NR3C1: variants seen among roughly 807,000 people sequenced by gnomAD.
The protein encoded by NR3C1 is glucocorticoid receptor.
NR3C1 carries 14 observed loss-of-function variants against 74.0 expected under a neutral mutation model. The ratio of observed to expected loss-of-function variants is 0.19; its 90% CI spans 0.12 to 0.30. The LOEUF (loss-of-function observed/expected upper bound fraction) is 0.30. Ranked by LOEUF, NR3C1 falls within the 10% of genes least tolerant of loss-of-function variation. The probability of loss-of-function intolerance (pLI) is 1.00; values close to 1 mark genes in which losing one functional copy is unlikely to be tolerated. For synonymous variants in NR3C1, 308 were observed against 332.5 expected (o/e 0.93, Z 0.80); for missense variants, 695 against 909.8 (o/e 0.76, Z 3.04).
chr5:143,359,094 A>G (rs796389383), intron 2 of NR3C1, among the ~76,000 whole-genome samples: 7 of 152,318 alleles, frequency 4.6e-5, no homozygotes, highest in African/African-American at 1.4e-4. Flanking sequence ...AACAATAGTT[A>G]TGTCAGGGTT....
At chr5:143,389,940 T>C in intron 2 of NR3C1, 2 of 979,554 alleles carry the variant, frequency 2.0e-6, no homozygotes, top group Non-Finnish European at 2.4e-6. Context: ...AAATCATCTT[T>C]TGGGGAGAAA....
At chr5:143,433,430 A>G (rs1281976395) in intron 1 of NR3C1, among the ~76,000 whole-genome samples, 1 of 140,304 alleles carries the variant, frequency 7.1e-6, no homozygotes, top group Non-Finnish European at 1.5e-5. Flanking sequence ...AATTATATAT[A>G]TATATAATTT....
intron 2 of NR3C1, among the ~76,000 whole-genome samples, chr5:143,359,607 G>A (rs1831856104): frequency 6.6e-6 from 1 of 152,086 alleles, no homozygotes; most frequent in Non-Finnish European, 1.5e-5. Flanking sequence ...TTCTGTCTTC[G>A]ATTTGGATTT....
upstream of NR3C1, chr5:143,404,093 G>C: frequency 1.0e-6 from 1 of 985,418 alleles, no homozygotes; most frequent in Non-Finnish European, 1.2e-6. Flanking sequence ...ACCCACTCGG[G>C]AGCTCGCTCT....
intron 2 of NR3C1, among the ~76,000 whole-genome samples, chr5:143,321,205 A>G (rs1171854531): frequency 1.3e-5 from 2 of 152,198 alleles, no homozygotes; most frequent in East Asian, 3.8e-4. Context: ...CCAACAAGGT[A>G]TCTCGAGCAT....
At chr5:143,332,430 T>A (rs1369069566) in intron 2 of NR3C1, among the ~76,000 whole-genome samples, 1 of 150,814 alleles carries the variant, frequency 6.6e-6, no homozygotes, top group East Asian at 1.9e-4. Context: ...CGGGACAGCA[T>A]TAGGAAAAAT....
At chr5:143,329,001 T>A (rs1332262874) in intron 2 of NR3C1, among the ~76,000 whole-genome samples, 2 of 152,216 alleles carry the variant, frequency 1.3e-5, no homozygotes, top group Non-Finnish European at 1.5e-5. Context: ...CACTTCCGCA[T>A]TTTCAGATTA....
At chr5:143,352,453 A>G (rs1389170897) in intron 2 of NR3C1, among the ~76,000 whole-genome samples, 1 of 152,172 alleles carries the variant, frequency 6.6e-6, no homozygotes, top group Non-Finnish European at 1.5e-5. Context: ...CATGTTCTTC[A>G]GTTAGAGAAA....
intron 4 of NR3C1, among the ~76,000 whole-genome samples, chr5:143,306,874 ATTTTTTTTTTTTTTTTTTTTTT>A (rs70991802): frequency 6.3e-4 from 52 of 82,870 alleles, no homozygotes; most frequent in Non-Finnish European, 8.8e-4. Flanking sequence ...GTATGCTTAA[ATTTTTTTTTTTTTTTTTTTTTT>A]TTTTTTTTTT....
At position 143,402,563 on chromosome 5, in the gene NR3C1, A is replaced by G. The variant is rs1290712430; in HGVS notation, c.-14+648T>C. 8 of 981,460 alleles carry G rather than the reference A, an allele frequency of 8.2e-6. No individual in the cohort carries two copies. In the Admixed American group the frequency reaches 4.3e-4, roughly 53 times the overall value. 60.8% of individuals were successfully genotyped at this position (981,460 alleles called of 1,614,324 possible). On this transcript the variant is annotated intron_variant, in intron 1 of 8. Transcript: ENST00000394464. ...CCCTTGCGGGGCGGGGGTGGAGAAG[A>G]GAAAAAAGTGCGAGGTTAAAAGAGA...
intron 2 of NR3C1, among the ~76,000 whole-genome samples, chr5:143,320,779 T>C (rs1823188918): frequency 1.3e-5 from 2 of 152,210 alleles, no homozygotes; most frequent in African/African-American, 2.4e-5. Context: ...GTCACTGTGT[T>C]TGGGTAACTT....
At chr5:143,336,398 G>T (rs1827128804) in intron 2 of NR3C1, among the ~76,000 whole-genome samples, 1 of 152,156 alleles carries the variant, frequency 6.6e-6, no homozygotes, top group Non-Finnish European at 1.5e-5. Context: ...GACAATACCA[G>T]CAACAGTTCA....
chr5:143,323,389 TA>T (rs1328355366), intron 2 of NR3C1, among the ~76,000 whole-genome samples: 1 of 152,150 alleles, frequency 6.6e-6, no homozygotes, highest in Non-Finnish European at 1.5e-5. Context: ...AAACCCCTGA[TA>T]AACCCATGAG....
At chr5:143,329,036 C>A (rs866316626) in intron 2 of NR3C1, among the ~76,000 whole-genome samples, 2 of 152,268 alleles carry the variant, frequency 1.3e-5, no homozygotes, top group South Asian at 2.1e-4. Flanking sequence ...CCCAACCCTG[C>A]CAGTACCAAT....
chr5:143,435,372 G>T (rs1417081421), exon 1 of NR3C1: 1 of 985,340 alleles, frequency 1.0e-6, no homozygotes, highest in Non-Finnish European at 1.2e-6. Flanking sequence ...AAAGAAGCGT[G>T]TTGCAATTTC....
At chr5:143,405,081 C>G (rs1841019034), upstream of NR3C1, 1 of 981,298 alleles carries the variant, frequency 1.0e-6, no homozygotes, top group South Asian at 4.7e-5. Context: ...GGGAAGCCCC[C>G]GCCCCAGCTC....
chr5:143,303,239 ATGTG>A (rs1818859202), intron 4 of NR3C1, among the ~76,000 whole-genome samples: 1 of 52,530 alleles, frequency 1.9e-5, no homozygotes, highest in Non-Finnish European at 3.5e-5. Context: ...GTGTGTGTGT[ATGTG>A]GGTGGGGGGG....
chr5:143,307,247 A>C (rs1819836225), intron 4 of NR3C1, among the ~76,000 whole-genome samples: 1 of 152,146 alleles, frequency 6.6e-6, no homozygotes. Flanking sequence ...CCAACAAAAG[A>C]TTCAACTGGA....
At chr5:143,359,866 TGAG>T (rs1289424460) in intron 2 of NR3C1, among the ~76,000 whole-genome samples, 3 of 152,144 alleles carry the variant, frequency 2.0e-5, no homozygotes, top group African/African-American at 7.2e-5. Flanking sequence ...TGCAGTGAGC[TGAG>T]ATCACCCTCC....
Sources: allele counts gnomAD v4.1 joint callset (sites outside exome capture counted in the v4.1 genomes callset), GRCh38; gene constraint gnomAD v4.1.1; transcripts MANE v1.5; gene names NCBI Gene and HGNC (gene_info 2026-07-23, HGNC 2026-07-21).